Variants in SRRM2 observed in about 807,000 individuals in gnomAD.
SRRM2 encodes the protein serine/arginine repetitive matrix 2, also known as serine/arginine repetitive matrix protein 2.
A neutral mutation model predicts 213.8 loss-of-function variants in SRRM2; 30 were observed. The observed-to-expected ratio is 0.14, with a 90% CI of 0.10 to 0.19. The LOEUF (loss-of-function observed/expected upper bound fraction) is 0.19, where lower values mean the gene tolerates loss of function less well. Ranked by LOEUF, SRRM2 falls within the 10% of genes least tolerant of loss-of-function variation. SRRM2 has a pLI of 1.00. For synonymous variants in SRRM2, 2,025 were observed against 1,377.7 expected (o/e 1.47, Z -10.40); for missense variants, 4,904 against 3,647.0 (o/e 1.34, Z -8.88).
rs771666837 is a variant in SRRM2, at chr16:2,763,246, A to G, written c.2718A>G (p.Arg906=). Residue 906 remains arginine (R), a synonymous_variant, in exon 11 of 15, where the codon AGA becomes AGG. Transcript: ENST00000301740. The part of the protein sequence containing the change: ...PPRVKSSTPP[R]QSPSRSSSPQ... ...GAGTGAAATCTAGCACACCTCCCAG[A>G]CAGAGCCCATCTAGGTCATCATCTC... 6 of 1,614,026 alleles carry G rather than the reference A, an allele frequency of 3.7e-6. No homozygotes were observed. Among genetic ancestry groups the G allele is most frequent in the Non-Finnish European group, 3.4e-6 (4 of 1,179,988 alleles).
At position 2,764,453 on chromosome 16, in the gene SRRM2, C is replaced by T. The variant is rs1282054302; in HGVS notation, c.3925C>T (p.His1309Tyr). Residue 1309 changes from histidine to tyrosine, a missense_variant, in exon 11 of 15, where the codon CAT (histidine) becomes TAT (tyrosine). Transcript: ENST00000301740. The stretch of plus-strand genomic sequence containing the variant: ...AATGGCCTCATCTTGGGGTGGGCCA[C>T]ATTTTTCTCCAGAACATAAAGAACT... Reference protein sequence around the residue: ...PSMASSWGGPHFSPEHKELSN... With the variant: ...PSMASSWGGPYFSPEHKELSN... 1.9e-6 allele frequency: 3 copies of T among 1,612,842 alleles called. No homozygotes were observed. In the African/African-American group the frequency reaches 4.0e-5, roughly 22 times the overall value.
rs1299179693 is a variant in SRRM2 at position 2,764,217 on chromosome 16, C to T, written c.3689C>T (p.Pro1230Leu). ...ACAAAAGAGCAAAATAGTGCATTGCCTACGTCAAGCCAAGATGAAGAGTTA... is the reference window on the plus strand; with the variant it reads ...ACAAAAGAGCAAAATAGTGCATTGCTTACGTCAAGCCAAGATGAAGAGTTA... ...PETKEQNSAL[P>L]TSSQDEELME... The change falls in exon 11 of 15, where the codon CCT becomes CTT. Residue 1230 changes from proline to leucine, a missense_variant. Coordinates refer to ENST00000301740, the MANE Select transcript of SRRM2 (RefSeq NM_016333.4). 2.5e-6 allele frequency: 4 copies of T among 1,614,182 alleles called. No individual in the cohort carries two copies. The highest frequency in any genetic ancestry group is 3.4e-6 in the Non-Finnish European group (4 of 1,180,042).
Position 2,768,163 on chromosome 16 carries a change from T to C in SRRM2, c.7635T>C (p.Ser2545=), listed in dbSNP as rs1004297786. ...CGTCGTCCTCTAGCTCCTCCTCTTC[T>C]TCATCATCGTCGTCGTCGTCCTCCT... ...SSSSSSSSSS[S]SSSSSSSSSS... Residue 2545 remains serine, a synonymous_variant, in exon 11 of 15, where the codon TCT becomes TCC. Coordinates refer to ENST00000301740, the MANE Select transcript of SRRM2 (RefSeq NM_016333.4). The C allele has an allele frequency of 1.9e-6, 3 of 1,612,602 alleles. No individual in the cohort carries two copies. Among genetic ancestry groups the C allele is most frequent in the East Asian group, 2.2e-5 (1 of 44,884 alleles).
Position 2,770,449 on chromosome 16 carries a change from C to T in SRRM2, c.8119C>T (p.Pro2707Ser). The T allele has an allele frequency of 6.2e-7, 1 of 1,608,164 alleles. No individual in the cohort carries two copies. Among genetic ancestry groups the T allele is most frequent in the Non-Finnish European group, 8.5e-7 (1 of 1,177,502 alleles). The change falls in exon 13 of 15, where the codon CCA becomes TCA. Residue 2707 changes from proline to serine, a missense_variant. By Grantham distance (74) the Pro-to-Ser change is moderately conservative. Transcript: ENST00000301740. Reference sequence around the variant, plus strand: ...TCGCCGTCCCTCGCCCCAGCCCTCACCACGGGACCAGCAGAGGTAAGGCCA... The same window carrying T: ...TCGCCGTCCCTCGCCCCAGCCCTCATCACGGGACCAGCAGAGGTAAGGCCA... ...ERRRPSPQPSPRDQQSSSSER... is the reference protein window; with the variant it reads ...ERRRPSPQPSSRDQQSSSSER...
At chr16:2,770,740 G>T in intron 14 of SRRM2, 23 bp downstream of exon 14, 1 of 1,583,168 alleles carries the variant, frequency 6.3e-7, no homozygotes, top group Non-Finnish European at 8.6e-7. Flanking sequence ...GAAGGCTGAT[G>T]CCCCCTTCCG....
Position 2,763,656 on chromosome 16 carries a change from C to T in SRRM2, c.3128C>T (p.Thr1043Ile). ...CTCTGTGCAGGAGTAAAATCTAGCA[C>T]ACCACCAGGCGAGAGCTATTTTGGT... ...LSLCAGVKSSTPPGESYFGVS... is the reference protein window; with the variant it reads ...LSLCAGVKSSIPPGESYFGVS... Residue 1043 changes from threonine (T) to isoleucine (I), a missense_variant, in exon 11 of 15, where the codon ACA becomes ATA. Transcript: ENST00000301740. The T allele has an allele frequency of 2.5e-6, 4 of 1,614,184 alleles. No homozygotes were observed. Among genetic ancestry groups the T allele is most frequent in the African/African-American group, 1.3e-5 (1 of 75,044 alleles).
Position 2,765,150 on chromosome 16 carries a change from C to T in SRRM2, c.4622C>T (p.Ser1541Phe). 1 of 1,614,166 alleles carries T rather than the reference C, an allele frequency of 6.2e-7. No individual in the cohort carries two copies. The highest frequency in any genetic ancestry group is 8.5e-7 in the Non-Finnish European group (1 of 1,180,030). Residue 1541 changes from serine to phenylalanine, a missense_variant, in exon 11 of 15, where the codon TCC becomes TTC. Physicochemically the swap from Ser to Phe is radical, Grantham distance 155. Coordinates refer to ENST00000301740, the MANE Select transcript of SRRM2 (RefSeq NM_016333.4). ...CTGGGGCAGAGAAGTCGTTCGGGAT[C>T]CTCTCAAGAACTTGATGTGAAACCC... ...TPLGQRSRSG[S>F]SQELDVKPSA...
rs201626443 is a variant in SRRM2, at chr16:2,760,548, T to A, written c.1032+49T>A. The A allele has an allele frequency of 3.8e-6, 6 of 1,599,080 alleles. No individual in the cohort carries two copies. The Admixed American group carries it at 6.7e-5, about 18-fold the overall frequency. ...TCATTGGATTGCAAATGTATAGATT[T>A]AGGATAGACATGTGATGTGAAAGGG... is the stretch of plus-strand genomic sequence containing the variant. On this transcript the variant is annotated intron_variant, in intron 10 of 14. Coordinates refer to ENST00000301740, the MANE Select transcript of SRRM2 (RefSeq NM_016333.4).
rs138332398 is a variant in SRRM2 at position 2,761,590 on chromosome 16, G to A, written c.1062G>A (p.Pro354=). Residue 354 remains proline (P), a synonymous_variant, in exon 11 of 15, where the codon CCG becomes CCA. Transcript: ENST00000301740. ...EKSATRPSPS[P]ERSSTGPEPP... ...CTGCAACTCGACCTAGCCCCTCTCC[G>A]GAAAGGAGCAGCACAGGCCCAGAAC... is the stretch of plus-strand genomic sequence containing the variant. 1.9e-5 allele frequency: 29 copies of A among 1,513,328 alleles called. No individual in the cohort carries two copies. The highest frequency in any genetic ancestry group is 1.5e-4 in the South Asian group (11 of 73,824). 93.7% of individuals were successfully genotyped at this position (1,513,328 alleles called of 1,614,324 possible). A position where few individuals can be genotyped will look rare whatever the true frequency, so the allele number is the denominator to read the frequency against.
At chr16:2,755,291 A>G (rs1156878299) in intron 1 of SRRM2, among the ~76,000 whole-genome samples, 4 of 152,206 alleles carry the variant, frequency 2.6e-5, no homozygotes, top group African/African-American at 9.7e-5. Flanking sequence ...CATGGGGTTA[A>G]CACAGGAGAG....
In SRRM2 at chr16:2,758,551, A is replaced by G. The variant is rs1322591951; in HGVS notation, c.593+4A>G. ...AAAAGAAGAAAGATAGAGGACGGTA[A>G]GTTAGTTGGAAAGTGACTCTGATAG... On this transcript the variant is annotated splice_donor_region_variant and intron_variant, in intron 5 of 14. Coordinates refer to ENST00000301740, the MANE Select transcript of SRRM2 (RefSeq NM_016333.4). 4 of 1,613,524 alleles carry G rather than the reference A, an allele frequency of 2.5e-6. No homozygotes were observed. Among genetic ancestry groups the G allele is most frequent in the Admixed American group, 1.7e-5 (1 of 59,994 alleles).
At position 2,771,022 on chromosome 16, in the gene SRRM2, T is replaced by G. The variant is rs78617860; in HGVS notation, c.*155T>G. On this transcript the variant is annotated 3_prime_UTR_variant, in exon 15 of 15. Coordinates refer to ENST00000301740, the MANE Select transcript of SRRM2 (RefSeq NM_016333.4). ...CTCCCTTTCCCTCCCCTTTTTTTTT[T>G]CTTTGTTCCTGTGAAATGTTAATCT... 2.4e-6 allele frequency: 2 copies of G among 842,454 alleles called. No individual in the cohort carries two copies. Among genetic ancestry groups the G allele is most frequent in the Non-Finnish European group, 3.6e-6 (2 of 555,386 alleles). The allele number at this position is 842,454 out of a possible 1,614,324, so 52.2% of individuals were successfully genotyped here.
At position 2,767,560 on chromosome 16, in the gene SRRM2, A is replaced by T; in HGVS notation, c.7032A>T (p.Ala2344=). 1 of 1,614,172 alleles carries T rather than the reference A, an allele frequency of 6.2e-7. No homozygotes were observed. The change falls in exon 11 of 15, where the codon GCA becomes GCT. Residue 2344 remains alanine, a synonymous_variant. Coordinates refer to ENST00000301740, the MANE Select transcript of SRRM2 (RefSeq NM_016333.4). ...CAAACCTGGTGGGTCCTCGGTCTGC[A>T]CATGCCACAGCTCCTGTGAATATTG... ...ASANLVGPRS[A]HATAPVNIAG... is the part of the protein sequence containing the mutation.
At position 2,762,162 on chromosome 16, in the gene SRRM2, G is replaced by A. The variant is rs771275449; in HGVS notation, c.1634G>A (p.Ser545Asn). The change falls in exon 11 of 15, where the codon AGC (serine) becomes AAC (asparagine). Residue 545 changes from serine to asparagine, a missense_variant. Coordinates refer to ENST00000301740, the MANE Select transcript of SRRM2 (RefSeq NM_016333.4). ...CCTCAGCGACCAGGCTGGTCTAGGA[G>A]CAGAAATACCCAGAGAAGAGGCAGG... ...RSPQRPGWSRSRNTQRRGRSR... is the reference protein window; with the variant it reads ...RSPQRPGWSRNRNTQRRGRSR... 2.5e-6 allele frequency: 4 copies of A among 1,614,002 alleles called. No homozygotes were observed. The highest frequency in any genetic ancestry group is 2.7e-5 in the African/African-American group (2 of 74,890).
In SRRM2 at chr16:2,761,683, C is replaced by A; in HGVS notation, c.1155C>A (p.Pro385=). 6.2e-7 allele frequency: 1 copy of A among 1,602,840 alleles called. No homozygotes were observed. Among genetic ancestry groups the A allele is most frequent in the South Asian group, 1.1e-5 (1 of 89,272 alleles). ...GGSPQPLATT[P]LSQEPVNPPS... ...CCCCACAACCCCTTGCAACCACCCCCTTAAGCCAGGAGCCAGTGAACCCCC... is the reference window on the plus strand; with the variant it reads ...CCCCACAACCCCTTGCAACCACCCCATTAAGCCAGGAGCCAGTGAACCCCC... Residue 385 remains proline (P), a synonymous_variant, in exon 11 of 15, where the codon CCC becomes CCA. Transcript: ENST00000301740.
rs1271875376 is a variant in SRRM2 at position 2,763,467 on chromosome 16, A to T, written c.2939A>T (p.Lys980Ile). The T allele has an allele frequency of 1.9e-6, 3 of 1,614,226 alleles. No homozygotes were observed. The highest frequency in any genetic ancestry group is 1.7e-5 in the Admixed American group (1 of 60,022). ...SGSSSPDTKV[K>I]PETPPRQSHS... ...TCCTCCTCACCAGATACCAAAGTGA[A>T]ACCTGAAACACCGCCAAGACAAAGT... The change falls in exon 11 of 15, where the codon AAA becomes ATA. Residue 980 changes from lysine (K) to isoleucine (I), a missense_variant. Coordinates refer to ENST00000301740, the MANE Select transcript of SRRM2 (RefSeq NM_016333.4).
rs199751016 is a variant in SRRM2 at position 2,762,729 on chromosome 16, C to T, written c.2201C>T (p.Ser734Phe). The stretch of plus-strand genomic sequence containing the variant: ...TCATCTTCAGAGCGGAAAAACAAAT[C>T]CAGAACATCTCAAAGAAGAAGCAGG... ...SGSSSERKNK[S>F]RTSQRRSRSN... The change falls in exon 11 of 15, where the codon TCC becomes TTC. Residue 734 changes from serine to phenylalanine, a missense_variant. Ser to Phe is a radical substitution (Grantham distance 155, BLOSUM62 -2). Transcript: ENST00000301740. 2.8e-5 allele frequency: 46 copies of T among 1,614,160 alleles called. No homozygotes were observed. Among genetic ancestry groups the T allele is most frequent in the Non-Finnish European group, 3.6e-5 (42 of 1,180,012 alleles).
intron 8 of SRRM2, 43 bp from the exon 9 acceptor site, chr16:2,759,526 A>G (rs759069190): frequency 3.1e-6 from 5 of 1,604,704 alleles, no homozygotes; most frequent in South Asian, 2.2e-5. Context: ...AATCCAGGGC[A>G]GGTACAGCAG....
chr16:2,768,909 TC>T, intron 11 of SRRM2, 87 bp from the exon 12 acceptor site: 1 of 1,576,824 alleles, frequency 6.3e-7, no homozygotes. Flanking sequence ...CAGGCACCCC[TC>T]CCCCCACTGC....
Sources: allele counts gnomAD v4.1 joint callset (sites outside exome capture counted in the v4.1 genomes callset), GRCh38; gene constraint gnomAD v4.1.1; transcripts MANE v1.5; gene names NCBI Gene and HGNC (gene_info 2026-07-23, HGNC 2026-07-21).